The following AVPR1B variants were observed in gnomAD, a reference collection of about 807,000 sequenced individuals.
AVPR1B encodes the protein arginine vasopressin receptor 1B.
Under a neutral mutation model 27.5 loss-of-function variants are expected in AVPR1B, and 25 were observed. That is an observed-to-expected ratio of 0.91 (90% CI 0.66 to 1.27). The LOEUF is 1.27. AVPR1B is among the 50% of genes most tolerant of loss of function. The probability of loss-of-function intolerance (pLI) is 0.00; values close to 1 mark genes in which losing one functional copy is unlikely to be tolerated. For missense variants in AVPR1B, 595 were observed against 556.9 expected, an observed-to-expected ratio of 1.07 and a Z score of -0.69; for synonymous variants, 248 against 240.2, an observed-to-expected ratio of 1.03 and a Z score of -0.30.
intron 1 of AVPR1B, among the ~76,000 whole-genome samples, chr1:206,111,920 G>A (rs993556947): frequency 9.9e-5 from 15 of 152,220 alleles, no homozygotes; most frequent in Admixed American, 4.6e-4. Flanking sequence ...TCGGCTGGGC[G>A]CAGTGGCTTA....
Position 206,108,327 on chromosome 1 carries a change from G to T in AVPR1B, c.*1862C>A, listed in dbSNP as rs567485582. ...CTGCCTGAGCCTTGGTCCCATTAGG[G>T]TCTCACTCTCCAGTTCTCTAGCACT... On this transcript the variant is annotated 3_prime_UTR_variant, in exon 2 of 2. Coordinates refer to ENST00000367126, the MANE Select transcript of AVPR1B (RefSeq NM_000707.5). 2.6e-5 allele frequency among the ~76,000 whole-genome samples: 4 copies of T among 152,332 alleles called. No individual in the cohort carries two copies. The highest frequency in any genetic ancestry group is 9.6e-5 in the African/African-American group (4 of 41,570).
intron 1 of AVPR1B, among the ~76,000 whole-genome samples, chr1:206,113,298 C>G (rs540790910): frequency 6.6e-6 from 1 of 151,902 alleles, no homozygotes; most frequent in Non-Finnish European, 1.5e-5. Flanking sequence ...AGCTGATGGT[C>G]GGGGACAGGG....
rs1663465134 is a variant in AVPR1B, at chr1:206,116,176, C to T, written c.715G>A (p.Val239Met). 1.2e-6 allele frequency: 2 copies of T among 1,613,816 alleles called. No individual in the cohort carries two copies. Among genetic ancestry groups the T allele is most frequent in the Admixed American group, 1.7e-5 (1 of 60,008 alleles). ...NLKVKTQAWR[V>M]GGGGWRTWDR... ...CAAGTCCTCCAGCCCCCTCCTCCCA[C>T]CCGCCAGGCCTGTGTCTTGACTTTT... The change falls in exon 1 of 2, where the codon GTG becomes ATG. Residue 239 changes from valine (V) to methionine (M), a missense_variant. Coordinates refer to ENST00000367126, the MANE Select transcript of AVPR1B (RefSeq NM_000707.5).
intron 1 of AVPR1B, among the ~76,000 whole-genome samples, chr1:206,114,020 G>A (rs1312819765): frequency 7.2e-5 from 11 of 152,278 alleles, no homozygotes; most frequent in South Asian, 2.1e-4. Context: ...TTGCCCAGAC[G>A]ATGTCAAAAG....
At position 206,115,994 on chromosome 1, in the gene AVPR1B, A is replaced by G. The variant is rs1393355579; in HGVS notation, c.897T>C (p.Ser299=). 6.2e-7 allele frequency: 1 copy of G among 1,613,618 alleles called. No homozygotes were observed. The highest frequency in any genetic ancestry group is 8.5e-7 in the Non-Finnish European group (1 of 1,179,686). ...TGTCCCACACGGACCACATCTGGAC[A>G]CTGAAGAAGGGAGCCCAGCAAGCGA... ...AYIACWAPFF[S]VQMWSVWDKN... Residue 299 remains serine (S), a synonymous_variant, in exon 1 of 2, where the codon AGT becomes AGC. Transcript: ENST00000367126.
intron 1 of AVPR1B, among the ~76,000 whole-genome samples, chr1:206,113,318 A>G (rs1184372899): frequency 6.7e-6 from 1 of 150,184 alleles, no homozygotes; most frequent in Non-Finnish European, 1.5e-5. Context: ...GGCAGGGACA[A>G]GGAAACAAGC....
chr1:206,116,177 C>A lies in AVPR1B; in HGVS notation c.714G>T (p.Arg238=). The change falls in exon 1 of 2, where the codon CGG becomes CGT. Residue 238 remains arginine (R), a synonymous_variant. Transcript: ENST00000367126. ...KNLKVKTQAW[R]VGGGGWRTWD... ...AAGTCCTCCAGCCCCCTCCTCCCAC[C>A]CGCCAGGCCTGTGTCTTGACTTTTA... is the stretch of plus-strand genomic sequence containing the variant. 1.2e-6 allele frequency: 2 copies of A among 1,614,030 alleles called. No individual in the cohort carries two copies. Among genetic ancestry groups the A allele is most frequent in the Non-Finnish European group, 8.5e-7 (1 of 1,180,022 alleles).
At position 206,108,762 on chromosome 1, in the gene AVPR1B, A is replaced by T. The variant is rs1553289297; in HGVS notation, c.*1427T>A. On this transcript the variant is annotated 3_prime_UTR_variant, in exon 2 of 2. Coordinates refer to ENST00000367126, the MANE Select transcript of AVPR1B (RefSeq NM_000707.5). The stretch of plus-strand genomic sequence containing the variant: ...CCAGCAAGGCTCTCTCTTCAATTGG[A>T]ATCAGAATTGGGTTGGGGAAGCTAT... Among the ~76,000 whole-genome samples the T allele has an allele frequency of 6.6e-6, 1 of 152,182 alleles. No homozygotes were observed. The highest frequency in any genetic ancestry group is 2.4e-5 in the African/African-American group (1 of 41,436).
chr1:206,112,641 C>T (rs527693597), intron 1 of AVPR1B, among the ~76,000 whole-genome samples: 8 of 152,170 alleles, frequency 5.3e-5, no homozygotes, highest in East Asian at 1.9e-4. Context: ...ACCAGTGTGC[C>T]ACCATGCCTG....
chr1:206,116,440 A>G lies in AVPR1B; in HGVS notation c.451T>C (p.Tyr151His), dbSNP rs782001778. The G allele has an allele frequency of 2.6e-5, 42 of 1,613,856 alleles. No individual in the cohort carries two copies. In the East Asian group the frequency reaches 8.7e-4, roughly 33 times the overall value. ...RSLQQPGQST[Y>H]LLIAAPWLLA... The stretch of plus-strand genomic sequence containing the variant: ...AGCCAGGGAGCAGCGATGAGCAGGT[A>G]GGTGGACTGGCCTGGCTGCTGGAGG... Residue 151 changes from tyrosine to histidine, a missense_variant, in exon 1 of 2, where the codon TAC becomes CAC. By Grantham distance (83) the Tyr-to-His change is moderately conservative. Transcript: ENST00000367126.
chr1:206,115,366 G>A (rs1466783927), intron 1 of AVPR1B, among the ~76,000 whole-genome samples: 1 of 152,178 alleles, frequency 6.6e-6, no homozygotes, highest in Non-Finnish European at 1.5e-5. Context: ...TTTGCTATTT[G>A]TGTGTGTCAC....
At chr1:206,114,215 G>T (rs782731102) in intron 1 of AVPR1B, among the ~76,000 whole-genome samples, 4 of 152,154 alleles carry the variant, frequency 2.6e-5, no homozygotes, top group Non-Finnish European at 5.9e-5. Context: ...TACAAAGGAA[G>T]GGGACCACTG....
chr1:206,110,562 C>T (rs782403768), intron 1 of AVPR1B, 39 bp from the exon 2 acceptor site: 2 of 1,540,308 alleles, frequency 1.3e-6, no homozygotes, highest in South Asian at 1.2e-5. Flanking sequence ...AGAATGGCAG[C>T]TCGAAGGGAC....
Position 206,116,004 on chromosome 1 carries a change from G to A in AVPR1B, c.887C>T (p.Pro296Leu). ...IVLAYIACWA[P>L]FFSVQMWSVW... ...GGACCACATCTGGACACTGAAGAAG[G>A]GAGCCCAGCAAGCGATGTAGGCCAG... Residue 296 changes from proline (P) to leucine (L), a missense_variant, in exon 1 of 2, where the codon CCC (proline) becomes CTC (leucine). Physicochemically the swap from Pro to Leu is moderately conservative, Grantham distance 98 (BLOSUM62 -3). Coordinates refer to ENST00000367126, the MANE Select transcript of AVPR1B (RefSeq NM_000707.5). 6.2e-7 allele frequency: 1 copy of A among 1,613,950 alleles called. No homozygotes were observed. Among genetic ancestry groups the A allele is most frequent in the Non-Finnish European group, 8.5e-7 (1 of 1,179,888 alleles).
chr1:206,108,188 G>A lies in AVPR1B; in HGVS notation c.*2001C>T, dbSNP rs1033608886. On this transcript the variant is annotated 3_prime_UTR_variant, in exon 2 of 2. Coordinates refer to ENST00000367126, the MANE Select transcript of AVPR1B (RefSeq NM_000707.5). ...CAGATTCAACAGCTCTGGCTGGCAT[G>A]GGAGGCTTCTAAGCCCACTTCACCA... 8.5e-5 allele frequency among the ~76,000 whole-genome samples: 13 copies of A among 152,208 alleles called. No homozygotes were observed. Among genetic ancestry groups the A allele is most frequent in the African/African-American group, 3.1e-4 (13 of 41,444 alleles).
In AVPR1B at chr1:206,110,203, T is replaced by A. The variant is rs1553289541; in HGVS notation, c.1261A>T (p.Thr421Ser). The A allele has an allele frequency of 2.5e-6, 4 of 1,609,420 alleles. No individual in the cohort carries two copies. The Admixed American group carries it at 5.0e-5, about 20-fold the overall frequency. ...ELADGEGTAE[T>S]IIF ...GCGAGTCTTTCCTAAAAGATGATGG[T>A]CTCAGCGGTGCCTTCCCCATCTGCC... Residue 421 changes from threonine (T) to serine (S), a missense_variant, in exon 2 of 2, where the codon ACC (threonine) becomes TCC (serine). Coordinates refer to ENST00000367126, the MANE Select transcript of AVPR1B (RefSeq NM_000707.5).
At position 206,108,173 on chromosome 1, in the gene AVPR1B, A is replaced by G. The variant is rs1216688166; in HGVS notation, c.*2016T>C. Among the ~76,000 whole-genome samples, 2 of 152,234 alleles carry G rather than the reference A, an allele frequency of 1.3e-5. No homozygotes were observed. The highest frequency in any genetic ancestry group is 2.9e-5 in the Non-Finnish European group (2 of 68,044). On this transcript the variant is annotated 3_prime_UTR_variant, in exon 2 of 2. Transcript: ENST00000367126. ...AAGCAGGGGAAGGAGCAGATTCAAC[A>G]GCTCTGGCTGGCATGGGAGGCTTCT...
rs1471591669 is a variant in AVPR1B at position 206,109,688 on chromosome 1, A to C, written c.*501T>G. 1.9e-5 allele frequency: 3 copies of C among 154,408 alleles called. No individual in the cohort carries two copies. Among genetic ancestry groups the C allele is most frequent in the Non-Finnish European group, 2.8e-5 (2 of 71,676 alleles). 9.6% of individuals were successfully genotyped at this position (154,408 alleles called of 1,614,324 possible). On this transcript the variant is annotated 3_prime_UTR_variant, in exon 2 of 2. Coordinates refer to ENST00000367126, the MANE Select transcript of AVPR1B (RefSeq NM_000707.5). ...ATCCATTCACTTTTCTTCATGAAGC[A>C]ATTTTCTCTCTAACAACAACAACAA...
At position 206,116,899 on chromosome 1, in the gene AVPR1B, T is replaced by C. The variant is rs2102340783; in HGVS notation, c.-9A>G. 6.3e-7 allele frequency: 1 copy of C among 1,598,790 alleles called. No individual in the cohort carries two copies. Among genetic ancestry groups the C allele is most frequent in the Non-Finnish European group, 8.5e-7 (1 of 1,171,612 alleles). The stretch of plus-strand genomic sequence containing the variant: ...AGAGGCCCAGAATCCATGAGCAAGG[T>C]TTGCTGGGAGGGAAGGATGAAGGGA... On this transcript the variant is annotated 5_prime_UTR_variant, in exon 1 of 2. Coordinates refer to ENST00000367126, the MANE Select transcript of AVPR1B (RefSeq NM_000707.5).
Sources: allele counts gnomAD v4.1 joint callset (sites outside exome capture counted in the v4.1 genomes callset), GRCh38; gene constraint gnomAD v4.1.1; transcripts MANE v1.5; gene names NCBI Gene and HGNC (gene_info 2026-07-23, HGNC 2026-07-21).